The following CNTNAP5 variants were observed in gnomAD, a reference collection of about 807,000 sequenced individuals.
The protein encoded by CNTNAP5 is contactin-associated protein-like 5.
Under a neutral mutation model 150.2 loss-of-function variants are expected in CNTNAP5, and 72 were observed. That is an observed-to-expected ratio of 0.48 (90% CI 0.40 to 0.58). The LOEUF is 0.58. CNTNAP5 is among the 20% of genes least tolerant of loss of function. The probability of loss-of-function intolerance (pLI) is 0.00; values close to 1 mark genes in which losing one functional copy is unlikely to be tolerated. For synonymous variants in CNTNAP5, 672 were observed against 619.8 expected, an observed-to-expected ratio of 1.08 and a Z score of -1.25; for missense variants, 1,636 against 1,626.2, an observed-to-expected ratio of 1.01 and a Z score of -0.10.
chr2:124,516,461 C>T (rs1046252980), intron 8 of CNTNAP5, among the ~76,000 whole-genome samples: 1 of 152,196 alleles, frequency 6.6e-6, no homozygotes, highest in African/African-American at 2.4e-5. Flanking sequence ...TTCCATTTTA[C>T]AGATGATGTA....
intron 1 of CNTNAP5, among the ~76,000 whole-genome samples, chr2:124,110,007 T>C (rs1299240698): frequency 2.0e-5 from 3 of 152,228 alleles, no homozygotes; most frequent in African/African-American, 7.2e-5. Flanking sequence ...TCACAAGTAC[T>C]ATTGTAGGCT....
chr2:124,052,166 T>G (rs114071897), intron 1 of CNTNAP5, among the ~76,000 whole-genome samples: 6 of 152,172 alleles, frequency 3.9e-5, no homozygotes, highest in Admixed American at 6.5e-5. Context: ...CCCACACTGG[T>G]CTGCAGATAA....
chr2:124,247,363 G>A (rs1340417994), intron 3 of CNTNAP5, among the ~76,000 whole-genome samples: 2 of 151,140 alleles, frequency 1.3e-5, no homozygotes, highest in Admixed American at 1.3e-4. Flanking sequence ...ATTTCTGGGT[G>A]TGCAGAACCA....
intron 3 of CNTNAP5, among the ~76,000 whole-genome samples, chr2:124,285,411 T>C (rs1441114237): frequency 1.3e-5 from 2 of 152,174 alleles, no homozygotes; most frequent in Non-Finnish European, 2.9e-5. Context: ...AACTAGATTA[T>C]ATGGAGTCAT....
At chr2:124,384,720 A>C (rs770978540) in intron 3 of CNTNAP5, among the ~76,000 whole-genome samples, 1 of 152,220 alleles carries the variant, frequency 6.6e-6, no homozygotes, top group Non-Finnish European at 1.5e-5. Flanking sequence ...ATAACTAAGT[A>C]GGCAAACGTG....
intron 2 of CNTNAP5, among the ~76,000 whole-genome samples, chr2:124,229,533 A>G (rs966231045): frequency 6.6e-6 from 1 of 152,206 alleles, no homozygotes; most frequent in African/African-American, 2.4e-5. Flanking sequence ...ACTTTTGGAA[A>G]AAAGAAAAAA....
chr2:124,855,166 G>GTTTTTGTTTTTTT (rs1558801475), intron 19 of CNTNAP5, among the ~76,000 whole-genome samples: 1 of 77,500 alleles, frequency 1.3e-5, no homozygotes, highest in African/African-American at 4.5e-5. Flanking sequence ...TTGGGCTTTT[G>GTTTTTGTTTTTTT]CTTTTTTTTT....
intron 1 of CNTNAP5, among the ~76,000 whole-genome samples, chr2:124,084,738 G>A (rs75458155): frequency 0.09 from 13,695 of 151,878 alleles, 684 homozygotes; most frequent in Non-Finnish European, 0.12. Context: ...ATACATTCAT[G>A]TGTATATATC....
chr2:124,754,106 T>C (rs1157076457), intron 14 of CNTNAP5, among the ~76,000 whole-genome samples: 1 of 152,086 alleles, frequency 6.6e-6, no homozygotes, highest in Non-Finnish European at 1.5e-5. Flanking sequence ...TCAGAACTCT[T>C]TCGGTTTCCT....
chr2:124,853,434 A>G (rs1677271013), intron 19 of CNTNAP5, among the ~76,000 whole-genome samples: 2 of 152,008 alleles, frequency 1.3e-5, no homozygotes, highest in African/African-American at 4.8e-5. Flanking sequence ...CAGTTTCCCT[A>G]CTTTTCAAAA....
chr2:124,419,435 G>A (rs1381911329), intron 4 of CNTNAP5, among the ~76,000 whole-genome samples: 1 of 152,056 alleles, frequency 6.6e-6, no homozygotes, highest in African/African-American at 2.4e-5. Context: ...TGAACCCCTT[G>A]GAGAATCTGA....
intron 13 of CNTNAP5, among the ~76,000 whole-genome samples, chr2:124,701,978 G>A (rs150072856): frequency 2.0e-5 from 3 of 151,940 alleles, no homozygotes; most frequent in African/African-American, 7.2e-5. Flanking sequence ...TTTAAAAATT[G>A]TGTAGTGAAC....
intron 9 of CNTNAP5, among the ~76,000 whole-genome samples, chr2:124,525,587 G>A (rs1283210783): frequency 1.3e-5 from 2 of 152,176 alleles, no homozygotes; most frequent in Admixed American, 6.5e-5. Context: ...ATGCAAAAGG[G>A]ATTTTGCACA....
At chr2:124,128,375 C>T (rs1350305387) in intron 1 of CNTNAP5, among the ~76,000 whole-genome samples, 2 of 152,086 alleles carry the variant, frequency 1.3e-5, no homozygotes, top group African/African-American at 4.8e-5. Context: ...CCATCTCATA[C>T]CAGTTAGAAT....
At chr2:124,909,939 A>G (rs889928959) in intron 22 of CNTNAP5, among the ~76,000 whole-genome samples, 1 of 148,588 alleles carries the variant, frequency 6.7e-6, no homozygotes, top group Non-Finnish European at 1.5e-5. Context: ...TCCAACTCCA[A>G]GTTTTTTCCA....
At position 124,665,885 on chromosome 2, in the gene CNTNAP5, CA is replaced by C. The variant is rs34611958; in HGVS notation, c.2077+17941del. On this transcript the variant is annotated intron_variant, in intron 13 of 23. Coordinates refer to ENST00000682447, the MANE Select transcript of CNTNAP5 (RefSeq NM_001367498.1). ...TGGGCGACAGAGCAAGACTCCGTCT[CA>C]AAAAAAAAAAAAATTATACATATTT... Among the ~76,000 whole-genome samples the C allele has an allele frequency of 9.6e-4, 136 of 142,276 alleles. 1 individual carries two copies. The highest frequency in any genetic ancestry group is 3.1e-3 in the South Asian group (14 of 4,468). The allele number at this position is 142,276 out of a possible 152,430, so 93.3% of individuals were successfully genotyped here.
chr2:124,690,582 C>G (rs1016495105), intron 13 of CNTNAP5, among the ~76,000 whole-genome samples: 4 of 152,026 alleles, frequency 2.6e-5, no homozygotes. Context: ...ACTCAAGGCC[C>G]TCTGTGACCC....
chr2:124,767,817 C>G (rs1170070414), intron 16 of CNTNAP5, among the ~76,000 whole-genome samples: 1 of 152,186 alleles, frequency 6.6e-6, no homozygotes, highest in East Asian at 1.9e-4. Context: ...AGTTGTCAGT[C>G]ATCTGATGGT....
intron 1 of CNTNAP5, among the ~76,000 whole-genome samples, chr2:124,115,648 CTTT>C (rs10666342): frequency 2.4e-5 from 3 of 123,716 alleles, no homozygotes; most frequent in Admixed American, 8.9e-5. Context: ...GTATAATAGT[CTTT>C]TTTTTTTTTT....
Sources: gnomAD v4.1 joint callset for allele counts (sites outside exome capture counted in the v4.1 genomes callset) on GRCh38, gnomAD v4.1.1 for gene constraint, MANE v1.5 for transcripts, NCBI Gene and HGNC (gene_info 2026-07-23, HGNC 2026-07-21) for gene names.